The following PREX2 variants were observed in gnomAD, a reference collection of about 807,000 sequenced individuals.
PREX2 encodes the protein phosphatidylinositol 3,4,5-trisphosphate-dependent Rac exchanger 2 protein.
PREX2 carries 107 observed loss-of-function variants against 203.2 expected under a neutral mutation model. The observed-to-expected ratio is 0.53, with a 90% CI of 0.45 to 0.62. PREX2 has a LOEUF of 0.62. PREX2 is among the 20% of genes least tolerant of loss of function. The pLI is 0.00. For synonymous variants in PREX2, 672 were observed against 663.6 expected, an observed-to-expected ratio of 1.01 and a Z score of -0.19; for missense variants, 1,777 against 1,955.9, an observed-to-expected ratio of 0.91 and a Z score of 1.72.
intron 33 of PREX2, among the ~76,000 whole-genome samples, chr8:68,144,087 C>A (rs2129613614): frequency 6.6e-6 from 1 of 152,232 alleles, no homozygotes; most frequent in Non-Finnish European, 1.5e-5. Flanking sequence ...GTCTTCATTA[C>A]TGTAGTTTTA....
chr8:68,104,069 A>G (rs1322016210), intron 23 of PREX2, among the ~76,000 whole-genome samples: 1 of 152,138 alleles, frequency 6.6e-6, no homozygotes, highest in East Asian at 1.9e-4. Flanking sequence ...TCTCGGGCTT[A>G]TGCCCATCCT....
intron 23 of PREX2, among the ~76,000 whole-genome samples, chr8:68,104,468 A>C (rs1203434994): frequency 1.3e-5 from 2 of 152,002 alleles, no homozygotes; most frequent in Non-Finnish European, 2.9e-5. Flanking sequence ...CTCTGCCAAA[A>C]ATGACCCCTT....
intron 1 of PREX2, among the ~76,000 whole-genome samples, chr8:67,977,456 C>T (rs143256094): frequency 1.2e-4 from 18 of 152,246 alleles, no homozygotes; most frequent in African/African-American, 4.1e-4. Flanking sequence ...ACACACCTGT[C>T]GTGATATTGT....
intron 1 of PREX2, among the ~76,000 whole-genome samples, chr8:67,961,379 ATAT>A (rs1805628822): frequency 6.6e-6 from 1 of 152,054 alleles, no homozygotes; most frequent in African/African-American, 2.4e-5. Context: ...TATTAGAATT[ATAT>A]TATTAGCTAT....
At chr8:68,115,433 A>G (rs553771762) in intron 25 of PREX2, among the ~76,000 whole-genome samples, 67 of 152,314 alleles carry the variant, frequency 4.4e-4, no homozygotes, top group African/African-American at 1.6e-3. Flanking sequence ...GCAGTCATGG[A>G]AGCCAGTTAT....
intron 38 of PREX2, among the ~76,000 whole-genome samples, chr8:68,219,098 G>C (rs938443741): frequency 3.9e-5 from 6 of 152,082 alleles, no homozygotes; most frequent in Non-Finnish European, 8.8e-5. Context: ...TATTAGAGTA[G>C]GTTTGTAGGA....
intron 1 of PREX2, among the ~76,000 whole-genome samples, chr8:67,953,083 CAG>C (rs916733371): frequency 6.6e-6 from 1 of 152,020 alleles, no homozygotes; most frequent in Admixed American, 6.5e-5. Flanking sequence ...TGTAGGGGTA[CAG>C]AGAGAGCAGC....
intron 35 of PREX2, among the ~76,000 whole-genome samples, chr8:68,186,659 A>ACT (rs944003509): frequency 4.6e-5 from 7 of 151,866 alleles, no homozygotes; most frequent in African/African-American, 1.7e-4. Flanking sequence ...GATTACAGGC[A>ACT]CTCGCCACCA....
At chr8:68,100,004 A>G (rs1279886637) in intron 23 of PREX2, 161 bp downstream of exon 23, 1 of 766,228 alleles carries the variant, frequency 1.3e-6, no homozygotes, top group Admixed American at 1.7e-5. Flanking sequence ...ATGGCTTAAC[A>G]TCCATTACCT....
chr8:68,173,233 A>G (rs1263855445), intron 35 of PREX2, among the ~76,000 whole-genome samples: 2 of 152,174 alleles, frequency 1.3e-5, no homozygotes. Flanking sequence ...TTATTCCAGT[A>G]TCCAGCCTAC....
chr8:68,133,538 G>A (rs1350797891), intron 31 of PREX2, among the ~76,000 whole-genome samples: 1 of 152,140 alleles, frequency 6.6e-6, no homozygotes, highest in Non-Finnish European at 1.5e-5. Context: ...AGACAGATTT[G>A]CTTATAATTG....
intron 37 of PREX2, among the ~76,000 whole-genome samples, chr8:68,213,228 T>C (rs1404398416): frequency 6.6e-6 from 1 of 152,202 alleles, no homozygotes; most frequent in African/African-American, 2.4e-5. Context: ...CCACAGCGAA[T>C]TGAACGCTAC....
At chr8:68,228,577 A>G (rs1224446606) in intron 39 of PREX2, among the ~76,000 whole-genome samples, 2 of 152,014 alleles carry the variant, frequency 1.3e-5, no homozygotes, top group Non-Finnish European at 2.9e-5. Flanking sequence ...CCTGGCTAAC[A>G]TGGTGAAACC....
chr8:68,076,799 AG>A (rs1809365693), intron 14 of PREX2, among the ~76,000 whole-genome samples: 1 of 151,696 alleles, frequency 6.6e-6, no homozygotes, highest in Admixed American at 6.6e-5. Context: ...CAAAAGAAAA[AG>A]GTTGCTTTGG....
rs1813184289 is a variant in PREX2 at position 68,232,368 on chromosome 8, A to G, written c.*990A>G. On this transcript the variant is annotated 3_prime_UTR_variant, in exon 40 of 40. Transcript: ENST00000288368. ...AAATAAGGCTTTATTTGTACTTTAA[A>G]AGGACCATTAGGGGACTTGTAATTT... 1.4e-5 allele frequency: 2 copies of G among 142,144 alleles called. No individual in the cohort carries two copies. Among genetic ancestry groups the G allele is most frequent in the Non-Finnish European group, 3.1e-5 (2 of 64,012 alleles). 8.8% of individuals were successfully genotyped at this position (142,144 alleles called of 1,614,324 possible). A position where few individuals can be genotyped will look rare whatever the true frequency, so the allele number is the denominator to read the frequency against.
chr8:67,982,538 A>C (rs1448877369), intron 1 of PREX2, among the ~76,000 whole-genome samples: 1 of 152,244 alleles, frequency 6.6e-6, no homozygotes, highest in African/African-American at 2.4e-5. Flanking sequence ...CACTAATAAA[A>C]GATACATTGA....
intron 31 of PREX2, among the ~76,000 whole-genome samples, chr8:68,128,007 C>A (rs1810930445): frequency 6.6e-6 from 1 of 151,584 alleles, no homozygotes; most frequent in African/African-American, 2.4e-5. Flanking sequence ...ATATTTATGG[C>A]AAAAATGAAT....
At position 67,952,776 on chromosome 8, in the gene PREX2, A is replaced by C. The variant is rs1805391297; in HGVS notation, c.141+241A>C. ...GCCTTGGAGACCTCCAGGTCTGAAA[A>C]GTTAGCTCTAGAGAAGAGAGCTCCA... On this transcript the variant is annotated intron_variant, in intron 1 of 39. Coordinates refer to ENST00000288368, the MANE Select transcript of PREX2 (RefSeq NM_024870.4). The C allele has an allele frequency of 8.1e-6, 5 of 616,620 alleles. No homozygotes were observed. The East Asian group carries it at 1.5e-4, about 18-fold the overall frequency. 38.2% of individuals were successfully genotyped at this position (616,620 alleles called of 1,614,324 possible).
chr8:67,953,081 T>A (rs1055252451), intron 1 of PREX2, among the ~76,000 whole-genome samples: 2 of 151,958 alleles, frequency 1.3e-5, no homozygotes, highest in African/African-American at 4.8e-5. Flanking sequence ...GGTGTAGGGG[T>A]ACAGAGAGAG....
Sources: allele counts gnomAD v4.1 joint callset (sites outside exome capture counted in the v4.1 genomes callset), GRCh38; gene constraint gnomAD v4.1.1; transcripts MANE v1.5; gene names NCBI Gene and HGNC (gene_info 2026-07-23, HGNC 2026-07-21).